LRRC47: variants seen among roughly 807,000 people sequenced by gnomAD.
The protein encoded by LRRC47 is leucine-rich repeat-containing protein 47.
LRRC47 carries 31 observed loss-of-function variants against 40.9 expected under a neutral mutation model. The ratio of observed to expected loss-of-function variants is 0.76; its 90% CI spans 0.57 to 1.02. The LOEUF is 1.02. Ranked by LOEUF, LRRC47 falls within the 50% of genes least tolerant of loss-of-function variation. LRRC47 has a pLI of 0.00. For synonymous variants in LRRC47, 427 were observed against 371.9 expected (o/e 1.15, Z -1.70); for missense variants, 726 against 796.1 (o/e 0.91, Z 1.06).
chr1:3,781,649 C>T, intron 5 of LRRC47, 48 bp from the exon 6 acceptor site: 1 of 1,428,030 alleles, frequency 7.0e-7, no homozygotes, highest in Non-Finnish European at 9.8e-7. Context: ...CAAATGTAGA[C>T]ATCAGCAACT....
intron 1 of LRRC47, among the ~76,000 whole-genome samples, chr1:3,793,772 G>A (rs772111588): frequency 1.3e-5 from 2 of 152,110 alleles, no homozygotes; most frequent in Non-Finnish European, 2.9e-5. Flanking sequence ...CAGTAAGCAG[G>A]ACCGTTTCCC....
Position 3,787,266 on chromosome 1 carries a change from C to T in LRRC47, c.660G>A (p.Glu220=), listed in dbSNP as rs1643584914. The T allele has an allele frequency of 6.2e-7, 1 of 1,613,334 alleles. No homozygotes were observed. The highest frequency in any genetic ancestry group is 8.5e-7 in the Non-Finnish European group (1 of 1,180,038). Residue 220 remains glutamate (E), a synonymous_variant, in exon 2 of 7, where the codon GAG becomes GAA. Transcript: ENST00000378251. ...CCTTGAGCTTGGGGCAGTCCGCAAG[C>T]TCTGCAGGGATCTCGCTCAGCTGGT... ...SNNQLSEIPA[E]LADCPKLKEI...
At chr1:3,795,550 T>C (rs916174481) in intron 1 of LRRC47, among the ~76,000 whole-genome samples, 3 of 152,194 alleles carry the variant, frequency 2.0e-5, no homozygotes, top group African/African-American at 7.2e-5. Context: ...CTACGCTCGA[T>C]CTACAGGAGA....
In LRRC47 at chr1:3,795,589, G is replaced by C. The variant is rs147463706; in HGVS notation, c.615+273C>G. ...CAGGTTTGCTAACAATTACAAAATA[G>C]CGTACCACGTGTAAAAGTCCAGTTA... is the stretch of plus-strand genomic sequence containing the variant. On this transcript the variant is annotated intron_variant, in intron 1 of 6. Coordinates refer to ENST00000378251, the MANE Select transcript of LRRC47 (RefSeq NM_020710.3). Among the ~76,000 whole-genome samples, 713 of 152,362 alleles carry C rather than the reference G, an allele frequency of 4.7e-3. 2 individuals are homozygous for C. The highest frequency in any genetic ancestry group is 0.014 in the Middle Eastern group (4 of 294).
Position 3,794,986 on chromosome 1 carries a change from G to A in LRRC47, c.615+876C>T, listed in dbSNP as rs549761056. ...GAAGAACCGCTTGAACCCGGGAGGC[G>A]GAGGTTGAAGTGAGCCGAGATCGCG... On this transcript the variant is annotated intron_variant, in intron 1 of 6. Coordinates refer to ENST00000378251, the MANE Select transcript of LRRC47 (RefSeq NM_020710.3). Among the ~76,000 whole-genome samples the A allele has an allele frequency of 1.0e-4, 15 of 149,562 alleles. No individual in the cohort carries two copies. In the South Asian group the frequency reaches 1.7e-3, roughly 17 times the overall value.
intron 4 of LRRC47, chr1:3,783,726 G>A (rs1472582024): frequency 2.1e-6 from 1 of 476,890 alleles, no homozygotes; most frequent in African/African-American, 1.9e-5. Context: ...ATCCTGTCCT[G>A]TCCCATCCTG....
In LRRC47 at chr1:3,781,451, A is replaced by C. The variant is rs1469137941; in HGVS notation, c.1503+61T>G. ...AGGCAAGCAGGACGGGTGGGAAGTC[A>C]AGGAGCAGAGCACCACTCACGCTCA... On this transcript the variant is annotated intron_variant, in intron 6 of 6. Transcript: ENST00000378251. 9 of 1,577,712 alleles carry C rather than the reference A, an allele frequency of 5.7e-6. No homozygotes were observed. In the East Asian group the frequency reaches 2.0e-4, roughly 36 times the overall value.
chr1:3,791,502 A>G (rs1427986694), intron 1 of LRRC47, among the ~76,000 whole-genome samples: 2 of 151,838 alleles, frequency 1.3e-5, no homozygotes, highest in African/African-American at 4.8e-5. Flanking sequence ...TATTGCCCAG[A>G]CTGGAGTGCA....
intron 3 of LRRC47, among the ~76,000 whole-genome samples, chr1:3,784,589 G>A (rs1643553503): frequency 1.3e-5 from 2 of 152,014 alleles, no homozygotes; most frequent in Admixed American, 6.6e-5. Flanking sequence ...TTTTCCCAAC[G>A]ACTGCTCATC....
At position 3,779,645 on chromosome 1, in the gene LRRC47, A is replaced by C. The variant is rs968161727; in HGVS notation, c.*1443T>G. Reference sequence around the variant, plus strand: ...ATAAATGAAGATTTTTGGCTCAAAAACCTAAGCATCCTCCAGCTTTTGCTA... The same window carrying C: ...ATAAATGAAGATTTTTGGCTCAAAACCCTAAGCATCCTCCAGCTTTTGCTA... On this transcript the variant is annotated 3_prime_UTR_variant, in exon 7 of 7. Transcript: ENST00000378251. 2 of 152,010 alleles carry C rather than the reference A, an allele frequency of 1.3e-5. No homozygotes were observed. Among genetic ancestry groups the C allele is most frequent in the Non-Finnish European group, 2.9e-5 (2 of 68,002 alleles). 9.4% of individuals were successfully genotyped at this position (152,010 alleles called of 1,614,324 possible).
chr1:3,781,622 C>T, intron 5 of LRRC47, 21 bp from the exon 6 acceptor site: 1 of 1,572,530 alleles, frequency 6.4e-7, no homozygotes, highest in Non-Finnish European at 8.7e-7. Context: ...AAAAACATTT[C>T]AGAAAAGAAC....
intron 1 of LRRC47, among the ~76,000 whole-genome samples, chr1:3,787,836 G>A (rs146350555): frequency 1.5e-3 from 229 of 152,334 alleles, no homozygotes; most frequent in African/African-American, 5.2e-3. Flanking sequence ...TGCCCGCAGT[G>A]ACACACAGAG....
intron 1 of LRRC47, among the ~76,000 whole-genome samples, chr1:3,788,938 G>A (rs1643602074): frequency 6.6e-6 from 1 of 152,224 alleles, no homozygotes; most frequent in Admixed American, 6.5e-5. Context: ...CAGCTGCTGG[G>A]CACTACCTGA....
rs757480563 is a variant in LRRC47 at position 3,786,915 on chromosome 1, C to T, written c.1011G>A (p.Val337=). Residue 337 remains valine, a synonymous_variant, in exon 2 of 7, where the codon GTG becomes GTA. Coordinates refer to ENST00000378251, the MANE Select transcript of LRRC47 (RefSeq NM_020710.3). ...GGTCCATGCCTCGCACCACGGCCCC[C>T]ACAATGTAGGGCCGCACATCCCGGA... The part of the protein sequence containing the change: ...PEVRDVRPYI[V]GAVVRGMDLQ... 38 of 1,607,426 alleles carry T rather than the reference C, an allele frequency of 2.4e-5. No individual in the cohort carries two copies. Among genetic ancestry groups the T allele is most frequent in the Non-Finnish European group, 3.2e-5 (38 of 1,177,292 alleles).
intron 4 of LRRC47, among the ~76,000 whole-genome samples, chr1:3,783,317 G>A (rs1370094118): frequency 1.3e-5 from 2 of 151,556 alleles, no homozygotes; most frequent in African/African-American, 4.9e-5. Flanking sequence ...CTACTCGGGA[G>A]GCTGAGGCGG....
rs868584044 is a variant in LRRC47 at position 3,784,303 on chromosome 1, G to A, written c.1195-192C>T. The A allele has an allele frequency of 3.1e-5, 18 of 579,814 alleles. No homozygotes were observed. In the Admixed American group the frequency reaches 3.3e-4, roughly 10 times the overall value. The allele number at this position is 579,814 out of a possible 1,614,324, so 35.9% of individuals were successfully genotyped here. ...TGGGCTGCCACTGCAGCGTCCCGGG[G>A]AGACCTGACGCCCAAACACACCGAT... On this transcript the variant is annotated intron_variant, in intron 3 of 6. Transcript: ENST00000378251.
intron 1 of LRRC47, among the ~76,000 whole-genome samples, chr1:3,788,610 G>C (rs1337029100): frequency 2.0e-5 from 3 of 152,070 alleles, no homozygotes; most frequent in African/African-American, 7.2e-5. Context: ...TGAAGGAAAT[G>C]AAAAAAGGAA....
intron 1 of LRRC47, among the ~76,000 whole-genome samples, chr1:3,790,492 T>A (rs977933573): frequency 3.3e-5 from 5 of 152,230 alleles, no homozygotes; most frequent in Admixed American, 1.3e-4. Flanking sequence ...CACGCCTGCG[T>A]GATGGCCACT....
Position 3,786,865 on chromosome 1 carries a change from C to T in LRRC47, c.1061G>A (p.Arg354His), listed in dbSNP as rs148628736. 2.3e-5 allele frequency: 36 copies of T among 1,596,062 alleles called. No individual in the cohort carries two copies. Among genetic ancestry groups the T allele is most frequent in the East Asian group, 1.4e-4 (6 of 43,902 alleles). ...GGCACCCACCTGCGAGGTGAGGAAGCGCTTGAGTGCATTCCCTGGCTGCAG... is the reference window on the plus strand; with the variant it reads ...GGCACCCACCTGCGAGGTGAGGAAGTGCTTGAGTGCATTCCCTGGCTGCAG... ...MDLQPGNALK[R>H]FLTSQTKLHE... Residue 354 changes from arginine to histidine, a missense_variant, in exon 2 of 7, where the codon CGC (arginine) becomes CAC (histidine). Transcript: ENST00000378251.
Sources: allele counts gnomAD v4.1 joint callset (sites outside exome capture counted in the v4.1 genomes callset), GRCh38; gene constraint gnomAD v4.1.1; transcripts MANE v1.5; gene names NCBI Gene and HGNC (gene_info 2026-07-23, HGNC 2026-07-21).